Variants in PAQR8 observed in about 807,000 individuals in gnomAD.
The protein encoded by PAQR8 is progestin and adipoQ receptor family member 8.
PAQR8 carries 17 observed loss-of-function variants against 25.2 expected under a neutral mutation model. The observed-to-expected ratio is 0.67, with a 90% CI of 0.46 to 1.01. The LOEUF (loss-of-function observed/expected upper bound fraction) is 1.01. Among genes scored for constraint, PAQR8 ranks in the 50% least tolerant of loss-of-function variants. PAQR8 has a pLI of 0.00. For missense variants in PAQR8, 392 were observed against 448.4 expected, an observed-to-expected ratio of 0.87 and a Z score of 1.14; for synonymous variants, 204 against 190.6, an observed-to-expected ratio of 1.07 and a Z score of -0.58.
In PAQR8 at chr6:52,404,400, A is replaced by G. The variant is rs573184173; in HGVS notation, c.*122A>G. The G allele has an allele frequency of 1.0e-6, 1 of 961,338 alleles. No individual in the cohort carries two copies. Among genetic ancestry groups the G allele is most frequent in the African/African-American group, 1.7e-5 (1 of 60,228 alleles). The allele number at this position is 961,338 out of a possible 1,614,324, so 59.6% of individuals were successfully genotyped here. A position where few individuals can be genotyped will look rare whatever the true frequency, so the allele number is the denominator to read the frequency against. ...TAATACATATATCCAAGGATATGTT[A>G]TAGCTGCAGTGTTTGAAAGCCAAAG... On this transcript the variant is annotated 3_prime_UTR_variant, in exon 2 of 2. Transcript: ENST00000442253.
At chr6:52,401,317 T>A (rs774990507) in intron 1 of PAQR8, among the ~76,000 whole-genome samples, 1 of 152,226 alleles carries the variant, frequency 6.6e-6, no homozygotes, top group Admixed American at 6.5e-5. Flanking sequence ...ATGTGCTCCA[T>A]TTAGATAAAT....
At chr6:52,375,136 C>T (rs773470784) in intron 1 of PAQR8, among the ~76,000 whole-genome samples, 40 of 152,120 alleles carry the variant, frequency 2.6e-4, no homozygotes, top group Non-Finnish European at 5.1e-4. Flanking sequence ...AGAGTCAGCT[C>T]GGGGGTGGCA....
intron 1 of PAQR8, among the ~76,000 whole-genome samples, chr6:52,383,062 C>CT (rs1240286693): frequency 6.6e-6 from 1 of 152,220 alleles, no homozygotes; most frequent in Admixed American, 6.5e-5. Flanking sequence ...TGGTGTGAGC[C>CT]ACTATGCCCA....
chr6:52,370,816 T>C (rs546085867), intron 1 of PAQR8, among the ~76,000 whole-genome samples: 291 of 151,356 alleles, frequency 1.9e-3, no homozygotes, highest in African/African-American at 6.9e-3. Flanking sequence ...TTCACATGTA[T>C]GTGTGTGTGT....
intron 1 of PAQR8, among the ~76,000 whole-genome samples, chr6:52,397,411 C>T (rs1763779040): frequency 6.6e-6 from 1 of 152,188 alleles, no homozygotes; most frequent in South Asian, 2.1e-4. Flanking sequence ...TTCCCCCCAA[C>T]GCTGCCCCAG....
rs541901080 is a variant in PAQR8, at chr6:52,384,497, A to G, written c.-52-18665A>G. On this transcript the variant is annotated intron_variant, in intron 1 of 1. Transcript: ENST00000442253. ...TGAGTCCAAATGCAATGGGTCACTG[A>G]GAGAAGAAGAGTTGAGAGACTAGAG... Among the ~76,000 whole-genome samples, 166 of 151,808 alleles carry G rather than the reference A, an allele frequency of 1.1e-3. 1 individual carries two copies. The highest frequency in any genetic ancestry group is 3.8e-3 in the African/African-American group (156 of 41,444).
chr6:52,363,039 C>T (rs1403978608), intron 1 of PAQR8, among the ~76,000 whole-genome samples: 1 of 151,998 alleles, frequency 6.6e-6, no homozygotes, highest in Non-Finnish European at 1.5e-5. Flanking sequence ...GCTATGAGAA[C>T]GCAGCGCCCT....
intron 1 of PAQR8, among the ~76,000 whole-genome samples, chr6:52,374,561 A>G (rs1019533251): frequency 2.0e-5 from 3 of 152,166 alleles, no homozygotes; most frequent in Non-Finnish European, 2.9e-5. Flanking sequence ...TTACAGTCAC[A>G]TACCACGATG....
chr6:52,391,578 A>G (rs1763710144), intron 1 of PAQR8, among the ~76,000 whole-genome samples: 4 of 152,224 alleles, frequency 2.6e-5, no homozygotes, highest in South Asian at 2.1e-4. Context: ...AGATGTAGCT[A>G]TAAAGATCAG....
rs1418991815 is a variant in PAQR8 at position 52,391,621 on chromosome 6, T to C, written c.-52-11541T>C. ...CCAGAGTTCTCTCACTTAACGACTATGGAGATCCTGAGGCATGTGAGACTG... is the reference window on the plus strand; with the variant it reads ...CCAGAGTTCTCTCACTTAACGACTACGGAGATCCTGAGGCATGTGAGACTG... On this transcript the variant is annotated intron_variant, in intron 1 of 1. Coordinates refer to ENST00000442253, the MANE Select transcript of PAQR8 (RefSeq NM_133367.5). Among the ~76,000 whole-genome samples the C allele has an allele frequency of 3.3e-5, 5 of 152,206 alleles. No homozygotes were observed. In the East Asian group the frequency reaches 9.6e-4, roughly 29 times the overall value.
rs558928329 is a variant in PAQR8, at chr6:52,403,135, T to A, written c.-52-27T>A. The A allele has an allele frequency of 7.9e-6, 10 of 1,261,396 alleles. No homozygotes were observed. In the East Asian group the frequency reaches 2.5e-4, roughly 31 times the overall value. The allele number at this position is 1,261,396 out of a possible 1,614,324, so 78.1% of individuals were successfully genotyped here. A position where few individuals can be genotyped will look rare whatever the true frequency, so the allele number is the denominator to read the frequency against. On this transcript the variant is annotated intron_variant, in intron 1 of 1. Transcript: ENST00000442253. ...GCTGCATTCGTGTCTCACTGCGGCT[T>A]TGCCAATTTTCCTTTCTTTTCTGCA...
At chr6:52,383,428 G>T (rs57860305) in intron 1 of PAQR8, among the ~76,000 whole-genome samples, 1 of 152,106 alleles carries the variant, frequency 6.6e-6, no homozygotes, top group Non-Finnish European at 1.5e-5. Context: ...TTGGGAGGCC[G>T]AGGCGGGCGG....
intron 1 of PAQR8, among the ~76,000 whole-genome samples, chr6:52,368,555 T>G (rs769750184): frequency 1.3e-5 from 2 of 152,230 alleles, no homozygotes; most frequent in Non-Finnish European, 2.9e-5. Flanking sequence ...TTGTTTAGTC[T>G]TGGGTATATG....
chr6:52,393,578 C>T (rs922333883), intron 1 of PAQR8, among the ~76,000 whole-genome samples: 4 of 152,078 alleles, frequency 2.6e-5, no homozygotes, highest in South Asian at 2.1e-4. Flanking sequence ...CTATCCTCCC[C>T]GTTCGGCTTC....
intron 1 of PAQR8, among the ~76,000 whole-genome samples, chr6:52,366,527 T>G (rs1763355671): frequency 6.6e-6 from 1 of 152,192 alleles, no homozygotes; most frequent in South Asian, 2.1e-4. Context: ...TGAGGTGGAT[T>G]AACTCTTTCA....
rs1318139901 is a variant in PAQR8, at chr6:52,405,817, T to C, written c.*1539T>C. 6.0e-6 allele frequency: 1 copy of C among 167,086 alleles called. No individual in the cohort carries two copies. Among genetic ancestry groups the C allele is most frequent in the African/African-American group, 2.4e-5 (1 of 41,462 alleles). 10.4% of individuals were successfully genotyped at this position (167,086 alleles called of 1,614,324 possible). On this transcript the variant is annotated 3_prime_UTR_variant, in exon 2 of 2. Transcript: ENST00000442253. ...AATGGAAATGTATGAACACAATATA[T>C]GCTCATGTAGAATTTTCTGTTCTGG...
chr6:52,381,096 G>A (rs1763553899), intron 1 of PAQR8, among the ~76,000 whole-genome samples: 1 of 152,148 alleles, frequency 6.6e-6, no homozygotes, highest in African/African-American at 2.4e-5. Context: ...GGATGGACAG[G>A]CACCTTTGCT....
Position 52,404,561 on chromosome 6 carries a change from C to T in PAQR8, c.*283C>T, listed in dbSNP as rs1412890308. 4 of 299,328 alleles carry T rather than the reference C, an allele frequency of 1.3e-5. No individual in the cohort carries two copies. The highest frequency in any genetic ancestry group is 2.6e-5 in the Non-Finnish European group (4 of 151,730). The allele number at this position is 299,328 out of a possible 1,614,324, so 18.5% of individuals were successfully genotyped here. A position where few individuals can be genotyped will look rare whatever the true frequency, so the allele number is the denominator to read the frequency against. ...TGAATTAAGGAGAATCATCTTCATG[C>T]CTGAAAATTTAGCAAAATTCCGACT... On this transcript the variant is annotated 3_prime_UTR_variant, in exon 2 of 2. Coordinates refer to ENST00000442253, the MANE Select transcript of PAQR8 (RefSeq NM_133367.5).
At chr6:52,369,758 A>G (rs781536702) in intron 1 of PAQR8, among the ~76,000 whole-genome samples, 8 of 152,182 alleles carry the variant, frequency 5.3e-5, no homozygotes, top group Non-Finnish European at 1.0e-4. Flanking sequence ...CAAATTAGAA[A>G]ATTTATATTT....
Sources: allele counts gnomAD v4.1 joint callset (sites outside exome capture counted in the v4.1 genomes callset), GRCh38; gene constraint gnomAD v4.1.1; transcripts MANE v1.5; gene names NCBI Gene and HGNC (gene_info 2026-07-23, HGNC 2026-07-21).